NEB: variants seen among roughly 807,000 people sequenced by gnomAD.
NEB encodes the protein nebulin.
A neutral mutation model predicts 952.2 loss-of-function variants in NEB; 512 were observed. That is an observed-to-expected ratio of 0.54 (90% CI 0.50 to 0.58). NEB has a LOEUF of 0.58. Among genes scored for constraint, NEB ranks in the 20% least tolerant of loss-of-function variants. NEB has a pLI of 0.00. For synonymous variants in NEB, 2,900 were observed against 3,149.8 expected (o/e 0.92, Z 2.66); for missense variants, 8,428 against 9,231.1 (o/e 0.91, Z 3.56).
Position 151,551,776 on chromosome 2 carries a change from G to T in NEB, c.19906C>A (p.Leu6636Met), listed in dbSNP as rs565580426. The stretch of plus-strand genomic sequence containing the variant: ...TTGTATGCATGAAGGGCCCGGTCCA[G>T]ATCCACGGTTTTGGTAGTTGGAGCC... ...KVAPTTKTVD[L>M]DRALHAYKLQ... is the part of the protein sequence containing the mutation. The change falls in exon 129 of 182, where the codon CTG becomes ATG. Residue 6636 changes from leucine (L) to methionine (M), a missense_variant. Physicochemically the swap from Leu to Met is conservative, Grantham distance 15. Transcript: ENST00000397345. The T allele has an allele frequency of 6.2e-7, 1 of 1,613,642 alleles. No homozygotes were observed. The highest frequency in any genetic ancestry group is 1.7e-5 in the Admixed American group (1 of 60,008).
At chr2:151,711,913 G>A (rs955325176) in intron 10 of NEB, among the ~76,000 whole-genome samples, 18 of 152,172 alleles carry the variant, frequency 1.2e-4, no homozygotes, top group Admixed American at 3.3e-4. Flanking sequence ...GCTGAGATAA[G>A]ATTTGTGCTA....
At chr2:151,689,783 G>T (rs2099532685) in intron 24 of NEB, 1 of 152,216 alleles carries the variant, frequency 6.6e-6, no homozygotes, top group Non-Finnish European at 1.5e-5. Flanking sequence ...AGTGATGTTA[G>T]TGTTTAGCTG....
Position 151,576,199 on chromosome 2 carries a change from G to A in NEB, c.16860C>T (p.Asp5620=). The A allele has an allele frequency of 1.9e-6, 3 of 1,610,454 alleles. No homozygotes were observed. Among genetic ancestry groups the A allele is most frequent in the Non-Finnish European group, 2.5e-6 (3 of 1,177,524 alleles). The change falls in exon 106 of 182, where the codon GAC becomes GAT. Residue 5620 remains aspartate (D), a synonymous_variant. Coordinates refer to ENST00000397345, the MANE Select transcript of NEB (RefSeq NM_001164508.2). ...ATTTAGCAAGGACCACTTCAGGTGT[G>A]TCAACAATGCTTGTGTACTTAAGGT... is the stretch of plus-strand genomic sequence containing the variant. ...VVNLKYTSIV[D]TPEVVLAKSN...
chr2:151,553,419 A>G lies in NEB; in HGVS notation c.19710T>C (p.His6570=), dbSNP rs1170393950. Residue 6570 remains histidine (H), a synonymous_variant, in exon 127 of 182, where the codon CAT becomes CAC. Transcript: ENST00000397345. ...WDTPEILHAK[H]AYDLRDDIKY... ...TCACATCATCACGTAGATCATAAGC[A>G]TGCTTGGCATGGAGGATTTCAGGAG... The G allele has an allele frequency of 6.2e-7, 1 of 1,613,396 alleles. No homozygotes were observed. The highest frequency in any genetic ancestry group is 1.7e-5 in the Admixed American group (1 of 60,018).
chr2:151,611,647 A>G (rs1356952196), intron 78 of NEB, among the ~76,000 whole-genome samples: 2 of 152,176 alleles, frequency 1.3e-5, no homozygotes, highest in Non-Finnish European at 1.5e-5. Flanking sequence ...AAAATTTTGG[A>G]TGAAACAAAT....
Position 151,610,544 on chromosome 2 carries a change from G to T in NEB, c.11990C>A (p.Ala3997Asp). ...LRADAISIKS[A>D]KASRDIASDY... ...ACTGGCGATGTCCCTGGAGGCCTTG[G>T]CACTTTTGATGGAAATAGCATCTGC... is the stretch of plus-strand genomic sequence containing the variant. Residue 3997 changes from alanine (A) to aspartate (D), a missense_variant, in exon 80 of 182, where the codon GCC becomes GAC. Around this residue, in one of 11 missense-constraint regions of NEB, gnomAD observed 337 missense variants for 297.5 expected, o/e 1.13. Transcript: ENST00000397345. 6.2e-7 allele frequency: 1 copy of T among 1,613,190 alleles called. No homozygotes were observed. Among genetic ancestry groups the T allele is most frequent in the Non-Finnish European group, 8.5e-7 (1 of 1,179,198 alleles).
chr2:151,650,297 C>G lies in NEB; in HGVS notation c.7310G>C (p.Arg2437Pro). Residue 2437 changes from arginine to proline, a missense_variant, in exon 54 of 182, where the codon CGG becomes CCG. Physicochemically the swap from Arg to Pro is moderately radical, Grantham distance 103. Coordinates refer to ENST00000397345, the MANE Select transcript of NEB (RefSeq NM_001164508.2). ...LGSLEAEKNK[R>P]ASEIISEKKY... ...CTTCTCACTGATGATTTCCGAAGCC[C>G]GCTTGTTCTTTTCTGCCTCTAAAGA... 6.2e-7 allele frequency: 1 copy of G among 1,613,806 alleles called. No homozygotes were observed. The highest frequency in any genetic ancestry group is 8.5e-7 in the Non-Finnish European group (1 of 1,179,822).
chr2:151,714,769 A>C (rs2099754677), intron 10 of NEB, among the ~76,000 whole-genome samples: 1 of 152,100 alleles, frequency 6.6e-6, no homozygotes, highest in South Asian at 2.1e-4. Context: ...AGGGTAGATA[A>C]AGGAGATTTT....
chr2:151,519,022 G>A lies in NEB; in HGVS notation c.22638C>T (p.Asp7546=), dbSNP rs372279388. Residue 7546 remains aspartate (D), a synonymous_variant, in exon 155 of 182, where the codon GAC becomes GAT. Coordinates refer to ENST00000397345, the MANE Select transcript of NEB (RefSeq NM_001164508.2). ...GATTCATGATCAGAGACTCCTTCAT[G>A]TCAGTCACGGGTTTGTGAAGTTTCT... ...DLKKLHKPVT[D]MKESLIMNHV... is the part of the protein sequence containing the mutation. The A allele has an allele frequency of 5.8e-5, 93 of 1,613,726 alleles. No individual in the cohort carries two copies. The South Asian group carries it at 9.2e-4, about 16-fold the overall frequency.
intron 38 of NEB, 79 bp from the exon 39 acceptor site, chr2:151,669,210 C>T (rs367630355): frequency 1.5e-4 from 147 of 996,932 alleles, no homozygotes; most frequent in African/African-American, 1.5e-3. Context: ...TCCTTTAAAA[C>T]GGAAGGCTAT....
Position 151,567,342 on chromosome 2 carries a change from G to A in NEB, c.17982C>T (p.His5994=). The change falls in exon 114 of 182, where the codon CAC becomes CAT. Residue 5994 remains histidine (H), a synonymous_variant. Coordinates refer to ENST00000397345, the MANE Select transcript of NEB (RefSeq NM_001164508.2). ...QNERLYKEDY[H]KTKAKINIPA... The stretch of plus-strand genomic sequence containing the variant: ...GTATATTGATTTTGGCCTTTGTTTT[G>A]TGATAGTCCTCTTTGTATAGTCTCT... 3 of 1,613,882 alleles carry A rather than the reference G, an allele frequency of 1.9e-6. No individual in the cohort carries two copies. The highest frequency in any genetic ancestry group is 2.5e-6 in the Non-Finnish European group (3 of 1,179,826).
chr2:151,636,759 C>G (rs1287637826), intron 63 of NEB, among the ~76,000 whole-genome samples: 2 of 150,132 alleles, frequency 1.3e-5, no homozygotes, highest in African/African-American at 2.5e-5. Context: ...CCAGCCTGGG[C>G]AACAAGAGTG....
chr2:151,518,868 G>T (rs958913975), intron 155 of NEB, 97 bp downstream of exon 155: 1 of 745,256 alleles, frequency 1.3e-6, no homozygotes, highest in African/African-American at 1.7e-5. Flanking sequence ...TAAATCTAGG[G>T]TATCAGTAGC....
At position 151,688,235 on chromosome 2, in the gene NEB, A is replaced by T. The variant is rs145350746; in HGVS notation, c.2415+57T>A. The T allele has an allele frequency of 2.5e-4, 330 of 1,343,772 alleles. 2 individuals are homozygous for T. The African/African-American group carries it at 3.6e-3, about 15-fold the overall frequency. 83.2% of individuals were successfully genotyped at this position (1,343,772 alleles called of 1,614,324 possible). A position where few individuals can be genotyped will look rare whatever the true frequency, so the allele number is the denominator to read the frequency against. On this transcript the variant is annotated intron_variant, in intron 25 of 181. Transcript: ENST00000397345. ...TCCTTGTCTTGTCTTTTAAAATTTA[A>T]AACATTTTCTCTTTTCATGTACACC... is the stretch of plus-strand genomic sequence containing the variant.
At chr2:151,575,290 T>C (rs558798089) in intron 107 of NEB, among the ~76,000 whole-genome samples, 33 of 152,296 alleles carry the variant, frequency 2.2e-4, no homozygotes, top group African/African-American at 7.7e-4. Context: ...TGGTCACTTA[T>C]GATTTTCTAG....
At chr2:151,564,856 C>T (rs1226832815) in intron 117 of NEB, among the ~76,000 whole-genome samples, 188 bp downstream of exon 117, 1 of 152,318 alleles carries the variant, frequency 6.6e-6, no homozygotes, top group Middle Eastern at 3.4e-3. Context: ...AGCTCAAAAG[C>T]ACCAGCTGAA....
chr2:151,504,578 C>T (rs2067284653), intron 165 of NEB, among the ~76,000 whole-genome samples: 2 of 152,292 alleles, frequency 1.3e-5, no homozygotes, highest in Admixed American at 6.5e-5. Flanking sequence ...AGAGAAATAT[C>T]AAGTATCCTA....
intron 45 of NEB, 50 bp downstream of exon 45, chr2:151,663,498 G>T: frequency 1.3e-6 from 2 of 1,513,738 alleles, no homozygotes; most frequent in Non-Finnish European, 1.8e-6. Context: ...GGTCACTCAT[G>T]GTTGCTTATT....
At chr2:151,728,115 C>T (rs1285863695) in intron 4 of NEB, among the ~76,000 whole-genome samples, 1 of 152,098 alleles carries the variant, frequency 6.6e-6, no homozygotes, top group South Asian at 2.1e-4. Context: ...GTTGGGATTG[C>T]GTGGAATAAA....
Sources: gnomAD v4.1 joint callset for allele counts (sites outside exome capture counted in the v4.1 genomes callset) on GRCh38, gnomAD v4.1.1 for gene constraint, gnomAD v4.1.1 regional missense constraint, MANE v1.5 for transcripts, NCBI Gene and HGNC (gene_info 2026-07-23, HGNC 2026-07-21) for gene names.